Variants in CALCA observed in about 807,000 individuals in gnomAD.
CALCA encodes calcitonin.
A neutral mutation model predicts 6.9 loss-of-function variants in CALCA; 4 were observed. The observed-to-expected ratio is 0.58, with a 90% CI of 0.29 to 1.33. The LOEUF is 1.33. CALCA is among the 40% of genes most tolerant of loss of function. The pLI is 0.09. For synonymous variants in CALCA, 78 were observed against 70.0 expected, an observed-to-expected ratio of 1.11 and a Z score of -0.57; for missense variants, 174 against 178.3, an observed-to-expected ratio of 0.98 and a Z score of 0.14.
chr11:14,967,673 CCTT>C (rs782317796), downstream of CALCA: 9 of 1,613,602 alleles, frequency 5.6e-6, no homozygotes, highest in African/African-American at 1.3e-5. Flanking sequence ...AGGGCAGTCA[CCTT>C]CTTGAGTCAT....
chr11:14,970,042 G>C lies in CALCA; in HGVS notation c.120C>G (p.Ala40=). The change falls in exon 3 of 4, where the codon GCC becomes GCG. Residue 40 remains alanine, a synonymous_variant. Coordinates refer to ENST00000331587, the MANE Select transcript of CALCA (RefSeq NM_001741.3). ...SALESSPADP[A]TLSEDEARLL... is the part of the protein sequence containing the mutation. ...GGCGCGCTTCGTCCTCACTGAGCGTGGCCGGGTCTGCTGGGCTGCTCTCCA... is the reference window on the plus strand; with the variant it reads ...GGCGCGCTTCGTCCTCACTGAGCGTCGCCGGGTCTGCTGGGCTGCTCTCCA... 6.2e-7 allele frequency: 1 copy of C among 1,614,250 alleles called. No individual in the cohort carries two copies. Among genetic ancestry groups the C allele is most frequent in the East Asian group, 2.2e-5 (1 of 44,886 alleles).
rs782681062 is a variant in CALCA at position 14,968,969 on chromosome 11, C to T, written c.256G>A (p.Gly86Ser). 6.7e-5 allele frequency: 108 copies of T among 1,613,558 alleles called. No homozygotes were observed. Among genetic ancestry groups the T allele is most frequent in the Middle Eastern group, 1.7e-4 (1 of 5,750 alleles). ...CCCAGCATGCAAGTACTCAGATTACCGCACCGCTTAGATCTGGGGCTGTCC... is the reference window on the plus strand; with the variant it reads ...CCCAGCATGCAAGTACTCAGATTACTGCACCGCTTAGATCTGGGGCTGTCC... ...SLDSPRSKRC[G>S]NLSTCMLGTY... The change falls in exon 4 of 4, where the codon GGT (glycine) becomes AGT (serine). Residue 86 changes from glycine (G) to serine (S), a missense_variant. Physicochemically the swap from Gly to Ser is moderately conservative, Grantham distance 56 (BLOSUM62 0). Coordinates refer to ENST00000331587, the MANE Select transcript of CALCA (RefSeq NM_001741.3).
At chr11:14,971,031 A>T in intron 2 of CALCA, 76 bp downstream of exon 2, 1 of 1,265,626 alleles carries the variant, frequency 7.9e-7, no homozygotes, top group Non-Finnish European at 1.2e-6. Flanking sequence ...GTCGGTTTTT[A>T]AGCATTCAGT....
At chr11:14,969,892 G>A in intron 3 of CALCA, 43 bp downstream of exon 3, 1 of 1,612,050 alleles carries the variant, frequency 6.2e-7, no homozygotes, top group Non-Finnish European at 8.5e-7. Flanking sequence ...TGTGTATGCT[G>A]CGGGGAGAGG....
intron 3 of CALCA, among the ~76,000 whole-genome samples, chr11:14,969,684 A>C (rs1205967522): frequency 6.6e-6 from 1 of 152,012 alleles, no homozygotes; most frequent in South Asian, 2.1e-4. Flanking sequence ...GAGCGATTCC[A>C]CACCTCCCCA....
At chr11:14,969,535 G>A (rs782794317) in intron 3 of CALCA, among the ~76,000 whole-genome samples, 4 of 145,922 alleles carry the variant, frequency 2.7e-5, no homozygotes, top group East Asian at 2.0e-4. Flanking sequence ...AAAGAATGTC[G>A]TATGCAGATT....
downstream of CALCA, among the ~76,000 whole-genome samples, chr11:14,967,428 C>T (rs1555025536): frequency 6.6e-6 from 1 of 152,144 alleles, no homozygotes; most frequent in African/African-American, 2.4e-5. Flanking sequence ...TGTCAAACAG[C>T]AGTGTTCTAA....
downstream of CALCA, chr11:14,967,698 G>A (rs781931981): frequency 1.5e-5 from 24 of 1,614,040 alleles, no homozygotes; most frequent in East Asian, 5.1e-4. Flanking sequence ...CAGCTGCTCA[G>A]GCTTGAAGGT....
chr11:14,969,722 G>A (rs1041424682), intron 3 of CALCA, among the ~76,000 whole-genome samples: 7 of 152,108 alleles, frequency 4.6e-5, no homozygotes, highest in African/African-American at 1.2e-4. Context: ...TTTCAGAAAC[G>A]GAGCCTTTTG....
At position 14,968,606 on chromosome 11, in the gene CALCA, G is replaced by T; in HGVS notation, c.*193C>A. The T allele has an allele frequency of 2.3e-5, 34 of 1,494,410 alleles. 1 individual carries two copies. The highest frequency in any genetic ancestry group is 3.0e-5 in the Non-Finnish European group (34 of 1,123,446). The allele number at this position is 1,494,410 out of a possible 1,614,324, so 92.6% of individuals were successfully genotyped here. A position where few individuals can be genotyped will look rare whatever the true frequency, so the allele number is the denominator to read the frequency against. On this transcript the variant is annotated 3_prime_UTR_variant, in exon 4 of 4. Transcript: ENST00000331587. ...GGACTCAAAGCGGCCCTCATTTTCT[G>T]GTATTTTCCCAGGTGATTCTCTTCC...
intron 3 of CALCA, 152 bp downstream of exon 3, chr11:14,969,783 G>T (rs1001671419): frequency 3.3e-6 from 4 of 1,194,404 alleles, no homozygotes; most frequent in Non-Finnish European, 4.9e-6. Flanking sequence ...TGTCTCCCTT[G>T]GAGGCTGAGA....
chr11:14,968,584 C>G lies in CALCA; in HGVS notation c.*215G>C. The G allele has an allele frequency of 6.9e-7, 1 of 1,457,306 alleles. No individual in the cohort carries two copies. The highest frequency in any genetic ancestry group is 9.0e-7 in the Non-Finnish European group (1 of 1,105,044). 90.3% of individuals were successfully genotyped at this position (1,457,306 alleles called of 1,614,324 possible). ...GAGCTCTGATGACATCTCTGGGGGA[C>G]TCAAAGCGGCCCTCATTTTCTGGTA... On this transcript the variant is annotated 3_prime_UTR_variant, in exon 4 of 4. Coordinates refer to ENST00000331587, the MANE Select transcript of CALCA (RefSeq NM_001741.3).
intron 1 of CALCA, among the ~76,000 whole-genome samples, chr11:14,971,621 G>A (rs570951890): frequency 6.0e-4 from 91 of 152,308 alleles, no homozygotes; most frequent in African/African-American, 2.2e-3. Flanking sequence ...CTTGGTGGGA[G>A]GGGTGGGATC....
rs782555135 is a variant in CALCA, at chr11:14,971,196, ACC to A, written c.-6_-5del. On this transcript the variant is annotated 5_prime_UTR_variant, in exon 2 of 4. In the 5' UTR this introduces an upstream ATG that the reference lacks. Coordinates refer to ENST00000331587, the MANE Select transcript of CALCA (RefSeq NM_001741.3). ...GGGAGAACTTTTGGAAGCCCATGAC[ACC>A]TCTCTGCAAGGGAAGAATGAGATAA... 3.1e-6 allele frequency: 5 copies of A among 1,612,346 alleles called. No homozygotes were observed. The highest frequency in any genetic ancestry group is 4.2e-6 in the Non-Finnish European group (5 of 1,178,682).
At chr11:14,968,266 A>G (rs1849502790), downstream of CALCA, 2 of 326,958 alleles carry the variant, frequency 6.1e-6, no homozygotes, top group Admixed American at 4.6e-5. Flanking sequence ...TTCTTAGGAA[A>G]ATAAAAAATT....
chr11:14,969,752 C>G (rs1476338882), intron 3 of CALCA, among the ~76,000 whole-genome samples, 183 bp downstream of exon 3: 1 of 152,184 alleles, frequency 6.6e-6, no homozygotes, highest in African/African-American at 2.4e-5. Flanking sequence ...ACCACGGTAC[C>G]TCCAGCTGCA....
rs558136997 is a variant in CALCA at position 14,972,235 on chromosome 11, C to T, written c.-10+10G>A. The T allele has an allele frequency of 1.4e-4, 22 of 153,804 alleles. 1 individual carries two copies. The South Asian group carries it at 3.7e-3, about 26-fold the overall frequency. The allele number at this position is 153,804 out of a possible 1,614,324, so 9.5% of individuals were successfully genotyped here. A position where few individuals can be genotyped will look rare whatever the true frequency, so the allele number is the denominator to read the frequency against. On this transcript the variant is annotated intron_variant, in intron 1 of 3. Transcript: ENST00000331587. ...GAGACATATACCTGAGCCAGGATCT[C>T]GGGGCTCACCTGGCGGGAGGTGGCT... is the stretch of plus-strand genomic sequence containing the variant.
chr11:14,967,588 A>T, downstream of CALCA: 1 of 1,501,228 alleles, frequency 6.7e-7, no homozygotes, highest in South Asian at 1.2e-5. Context: ...TTAAAACCAC[A>T]TGGTCTCAGA....
In CALCA at chr11:14,970,757, G is replaced by A. The variant is rs34815547; in HGVS notation, c.86+350C>T. Among the ~76,000 whole-genome samples, 604 of 152,086 alleles carry A rather than the reference G, an allele frequency of 4.0e-3. 8 individuals carry two copies. Among genetic ancestry groups the A allele is most frequent in the Middle Eastern group, 0.014 (4 of 294 alleles). On this transcript the variant is annotated intron_variant, in intron 2 of 3. Transcript: ENST00000331587. ...TCTACTAAAAATACAAAAATTAGCC[G>A]GGCATGGTGGTGGGCGCCTGTAATC...
Sources: gnomAD v4.1 joint callset for allele counts (sites outside exome capture counted in the v4.1 genomes callset) on GRCh38, gnomAD v4.1.1 for gene constraint, MANE v1.5 for transcripts, NCBI Gene and HGNC (gene_info 2026-07-23, HGNC 2026-07-21) for gene names.